The following ELMOD1 variants were observed in gnomAD, a reference collection of about 807,000 sequenced individuals.
The protein encoded by ELMOD1 is ELMO domain-containing protein 1.
Under a neutral mutation model 46.7 loss-of-function variants are expected in ELMOD1, and 21 were observed. The observed-to-expected ratio is 0.45, with a 90% CI of 0.32 to 0.65. ELMOD1 has a LOEUF of 0.65. Ranked by LOEUF, ELMOD1 falls within the 30% of genes least tolerant of loss-of-function variation. The pLI, the probability that ELMOD1 is intolerant of heterozygous loss-of-function variation, is 0.04. For missense variants in ELMOD1, 348 were observed against 407.8 expected (o/e 0.85, Z 1.26); for synonymous variants, 122 against 138.2 (o/e 0.88, Z 0.82).
At chr11:107,629,767 C>T (rs936519681) in intron 2 of ELMOD1, among the ~76,000 whole-genome samples, 1 of 152,086 alleles carries the variant, frequency 6.6e-6, no homozygotes, top group African/African-American at 2.4e-5. Context: ...CTAGGAAAAT[C>T]AAAGGTCAAG....
At chr11:107,592,510 C>A in intron 1 of ELMOD1, 1 of 515,362 alleles carries the variant, frequency 1.9e-6, no homozygotes, top group Non-Finnish European at 4.0e-6. Flanking sequence ...AGGTAGTATG[C>A]TTGTATTGGG....
At chr11:107,655,597 A>G (rs1866615503) in intron 10 of ELMOD1, among the ~76,000 whole-genome samples, 1 of 23,464 alleles carries the variant, frequency 4.3e-5, no homozygotes. Context: ...TTGTAAAGTG[A>G]AAGCACGTTT....
chr11:107,628,028 C>A (rs1028152453), intron 2 of ELMOD1, among the ~76,000 whole-genome samples: 9 of 151,024 alleles, frequency 6.0e-5, no homozygotes, highest in Non-Finnish European at 1.0e-4. Context: ...CATATATATC[C>A]CAGTAATTAA....
chr11:107,592,243 A>G (rs1865412421), intron 1 of ELMOD1: 1 of 292,712 alleles, frequency 3.4e-6, no homozygotes, highest in Non-Finnish European at 6.8e-6. Context: ...ATCAAGTTTA[A>G]TGAATATGTT....
rs375000180 is a variant in ELMOD1, at chr11:107,647,430, G to A, written c.421-38G>A. The A allele has an allele frequency of 9.4e-6, 15 of 1,591,686 alleles. No individual in the cohort carries two copies. In the African/African-American group the frequency reaches 1.9e-4, roughly 20 times the overall value. ...ACAAAATCTGAACCAATAGGAAAGG[G>A]TGTATCAACAGAGTAATCCTTTTTT... On this transcript the variant is annotated intron_variant, in intron 6 of 11. Coordinates refer to ENST00000265840, the MANE Select transcript of ELMOD1 (RefSeq NM_018712.4).
intron 10 of ELMOD1, 147 bp from the exon 11 acceptor site, chr11:107,655,786 C>T (rs1357519744): frequency 2.4e-6 from 2 of 845,758 alleles, no homozygotes; most frequent in Non-Finnish European, 3.5e-6. Context: ...GGTTCTTCCC[C>T]TTTTAGACCA....
In ELMOD1 at chr11:107,638,992, T is replaced by G. The variant is rs116397135; in HGVS notation, c.420+3227T>G. 2.7e-3 allele frequency among the ~76,000 whole-genome samples: 405 copies of G among 151,926 alleles called. 4 individuals are homozygous for G. Among genetic ancestry groups the G allele is most frequent in the African/African-American group, 9.3e-3 (387 of 41,418 alleles). On this transcript the variant is annotated intron_variant, in intron 6 of 11. Transcript: ENST00000265840. ...CAAGACCCCATCTCCACAAAAAATT[T>G]TTTAATAAATAGCTGGGCATGGTGA...
intron 2 of ELMOD1, among the ~76,000 whole-genome samples, chr11:107,628,397 C>T (rs962837558): frequency 1.3e-5 from 2 of 152,178 alleles, no homozygotes; most frequent in Non-Finnish European, 2.9e-5. Context: ...GATCTCTTGA[C>T]CTCTTGATCC....
At chr11:107,625,344 T>C (rs887473113) in intron 2 of ELMOD1, 9 of 932,728 alleles carry the variant, frequency 9.6e-6, no homozygotes, top group Non-Finnish European at 1.2e-5. Flanking sequence ...AGAACTGTGA[T>C]TATTTTTGTA....
Position 107,651,539 on chromosome 11 carries a change from T to C in ELMOD1, c.647+631T>C, listed in dbSNP as rs528009099. On this transcript the variant is annotated intron_variant, in intron 9 of 11. Coordinates refer to ENST00000265840, the MANE Select transcript of ELMOD1 (RefSeq NM_018712.4). ...TCATTCTAGCTTCATTTGGCTAAGATTCATTAAGTCATATTACACTTCCCA... is the reference window on the plus strand; with the variant it reads ...TCATTCTAGCTTCATTTGGCTAAGACTCATTAAGTCATATTACACTTCCCA... Among the ~76,000 whole-genome samples, 7 of 152,324 alleles carry C rather than the reference T, an allele frequency of 4.6e-5. No individual in the cohort carries two copies. In the South Asian group the frequency reaches 1.5e-3, roughly 32 times the overall value.
chr11:107,630,223 T>C (rs76108899), intron 2 of ELMOD1, among the ~76,000 whole-genome samples, 194 bp from the exon 3 acceptor site: 1,680 of 152,316 alleles, frequency 0.011, 22 homozygotes, highest in African/African-American at 0.039. Flanking sequence ...AATAGAAAAT[T>C]CTGGAGTTTC....
chr11:107,635,329 G>A (rs1866210289), intron 5 of ELMOD1, among the ~76,000 whole-genome samples: 1 of 152,090 alleles, frequency 6.6e-6, no homozygotes, highest in Non-Finnish European at 1.5e-5. Flanking sequence ...TGCCCAGGCT[G>A]GTTTTGTACT....
intron 1 of ELMOD1, among the ~76,000 whole-genome samples, chr11:107,612,333 C>A (rs193152886): frequency 8.5e-5 from 13 of 152,116 alleles, no homozygotes; most frequent in African/African-American, 2.9e-4. Flanking sequence ...AAGATGGCAA[C>A]AATAGACACT....
At chr11:107,650,772 G>A (rs748164264) in intron 8 of ELMOD1, 113 bp from the exon 9 acceptor site, 170 of 741,736 alleles carry the variant, frequency 2.3e-4, no homozygotes, top group Admixed American at 3.3e-4. Flanking sequence ...GACCAAGTGA[G>A]AACATCTGGA....
chr11:107,662,038 AG>A (rs1866747962), intron 11 of ELMOD1, among the ~76,000 whole-genome samples: 1 of 152,248 alleles, frequency 6.6e-6, no homozygotes, highest in Non-Finnish European at 1.5e-5. Context: ...AGAAAAGCTC[AG>A]GGCATAAAGC....
intron 1 of ELMOD1, among the ~76,000 whole-genome samples, chr11:107,610,043 A>C (rs1865749681): frequency 6.6e-6 from 1 of 152,210 alleles, no homozygotes; most frequent in Non-Finnish European, 1.5e-5. Flanking sequence ...CATTTTGACA[A>C]GTATATATTA....
chr11:107,591,996 G>C (rs746790279), intron 1 of ELMOD1: 7 of 515,000 alleles, frequency 1.4e-5, no homozygotes, highest in Non-Finnish European at 2.4e-5. Flanking sequence ...TCTCTTTCCC[G>C]GGCAGGTAGA....
At chr11:107,615,288 T>C (rs1865843050) in intron 1 of ELMOD1, among the ~76,000 whole-genome samples, 1 of 126,080 alleles carries the variant, frequency 7.9e-6, no homozygotes, top group South Asian at 2.6e-4. Flanking sequence ...CAGGCTGGAG[T>C]GCAGTGGCGT....
At chr11:107,630,805 A>C in intron 4 of ELMOD1, 77 bp downstream of exon 4, 1 of 1,417,024 alleles carries the variant, frequency 7.1e-7, no homozygotes, top group Non-Finnish European at 9.6e-7. Flanking sequence ...AAATTCTAAG[A>C]AACCAAAATA....
Sources: allele counts gnomAD v4.1 joint callset (sites outside exome capture counted in the v4.1 genomes callset), GRCh38; gene constraint gnomAD v4.1.1; transcripts MANE v1.5; gene names NCBI Gene and HGNC (gene_info 2026-07-23, HGNC 2026-07-21).